SAMSN1: variants seen among roughly 807,000 people sequenced by gnomAD.
The protein encoded by SAMSN1 is SAM domain, SH3 domain and nuclear localization signals 1.
Under a neutral mutation model 42.0 loss-of-function variants are expected in SAMSN1, and 31 were observed. The observed-to-expected ratio is 0.74, with a 90% CI of 0.55 to 1.00. SAMSN1 has a LOEUF of 1.00. Ranked by LOEUF, SAMSN1 falls within the 50% of genes least tolerant of loss-of-function variation. The probability of loss-of-function intolerance (pLI) is 0.00; values close to 1 mark genes in which losing one functional copy is unlikely to be tolerated. For synonymous variants in SAMSN1, 178 were observed against 151.9 expected, an observed-to-expected ratio of 1.17 and a Z score of -1.26; for missense variants, 464 against 439.4, an observed-to-expected ratio of 1.06 and a Z score of -0.50.
At chr21:14,517,582 T>A (rs1987973600) in intron 2 of SAMSN1, among the ~76,000 whole-genome samples, 1 of 152,150 alleles carries the variant, frequency 6.6e-6, no homozygotes. Context: ...CATCTTAGTG[T>A]GCACATTTCC....
intron 3 of SAMSN1, among the ~76,000 whole-genome samples, chr21:14,513,468 C>T (rs1987775839): frequency 6.6e-6 from 1 of 151,986 alleles, no homozygotes; most frequent in African/African-American, 2.4e-5. Context: ...TAACAGGGTG[C>T]TTGCTATAAT....
intron 6 of SAMSN1, among the ~76,000 whole-genome samples, chr21:14,595,784 G>T (rs1982243196): frequency 6.6e-6 from 1 of 152,222 alleles, no homozygotes; most frequent in Non-Finnish European, 1.5e-5. Context: ...ACAAAATATA[G>T]CCAAAGAGCA....
intron 4 of SAMSN1, among the ~76,000 whole-genome samples, chr21:14,610,378 C>G (rs760782685): frequency 2.0e-5 from 3 of 152,142 alleles, no homozygotes; most frequent in Non-Finnish European, 4.4e-5. Context: ...GAAATTCCAG[C>G]CTGGTGAATT....
intron 2 of SAMSN1, among the ~76,000 whole-genome samples, chr21:14,558,524 C>CAA (rs5842489): frequency 6.6e-6 from 1 of 151,616 alleles, no homozygotes; most frequent in African/African-American, 2.4e-5. Context: ...ACTAAAAATA[C>CAA]AAAAAAATTA....
chr21:14,510,196 A>C, intron 5 of SAMSN1, 114 bp downstream of exon 5: 1 of 998,552 alleles, frequency 1.0e-6, no homozygotes, highest in Non-Finnish European at 1.5e-6. Flanking sequence ...CTCCACTTCT[A>C]CTGTTGGGAA....
chr21:14,540,681 G>C (rs1979958948), intron 1 of SAMSN1, among the ~76,000 whole-genome samples: 1 of 152,322 alleles, frequency 6.6e-6, no homozygotes, highest in Admixed American at 6.5e-5. Context: ...TTACACTGTT[G>C]GTGGGACTGT....
intron 1 of SAMSN1, among the ~76,000 whole-genome samples, chr21:14,654,372 T>C (rs1301699377): frequency 6.6e-6 from 1 of 152,018 alleles, no homozygotes; most frequent in Non-Finnish European, 1.5e-5. Context: ...ATGAGTGCTC[T>C]AAAATACGTA....
At chr21:14,592,428 C>G (rs1982114532) in intron 7 of SAMSN1, 1 of 158,000 alleles carries the variant, frequency 6.3e-6, no homozygotes, top group Non-Finnish European at 1.4e-5. Context: ...AAGAACCTGC[C>G]CTTGTGTGCC....
intron 1 of SAMSN1, among the ~76,000 whole-genome samples, chr21:14,644,262 C>T (rs940470649): frequency 6.6e-6 from 1 of 151,994 alleles, no homozygotes; most frequent in Non-Finnish European, 1.5e-5. Context: ...AAAAGAGACC[C>T]CTTCCTTCTG....
At chr21:14,612,592 T>C (rs1671262775) in intron 4 of SAMSN1, 1 of 526,094 alleles carries the variant, frequency 1.9e-6, no homozygotes, top group Admixed American at 2.3e-5. Context: ...GCAGCCAAGC[T>C]ACACATGGAG....
intron 1 of SAMSN1, among the ~76,000 whole-genome samples, chr21:14,532,882 T>A (rs1247182101): frequency 4.0e-5 from 6 of 151,796 alleles, no homozygotes; most frequent in African/African-American, 1.2e-4. Flanking sequence ...ATGTACATAT[T>A]TAATATTTTA....
chr21:14,583,957 T>C (rs1240083660), upstream of SAMSN1, among the ~76,000 whole-genome samples: 1 of 152,058 alleles, frequency 6.6e-6, no homozygotes, highest in African/African-American at 2.4e-5. Context: ...TTATAAAATA[T>C]GTTACAACTG....
upstream of SAMSN1, among the ~76,000 whole-genome samples, chr21:14,659,163 C>T (rs1256735353): frequency 6.6e-6 from 1 of 151,864 alleles, no homozygotes; most frequent in Non-Finnish European, 1.5e-5. Flanking sequence ...GGTCAAGGGT[C>T]CATCTCATAT....
intron 7 of SAMSN1, chr21:14,591,282 C>G (rs1982076468): frequency 6.6e-6 from 1 of 152,136 alleles, no homozygotes; most frequent in Middle Eastern, 3.4e-3. Flanking sequence ...AATATATTCT[C>G]CTGGAAGGCT....
chr21:14,501,045 A>G (rs2123690147), intron 5 of SAMSN1, among the ~76,000 whole-genome samples: 1 of 151,580 alleles, frequency 6.6e-6, no homozygotes, highest in Non-Finnish European at 1.5e-5. Flanking sequence ...GCGTGGTAGC[A>G]TGTATCTGTA....
chr21:14,622,997 A>G (rs1390015532), intron 2 of SAMSN1, among the ~76,000 whole-genome samples: 2 of 152,250 alleles, frequency 1.3e-5, no homozygotes, highest in Non-Finnish European at 2.9e-5. Context: ...TTTTCAACCC[A>G]GAATTTCATA....
chr21:14,495,858 T>C (rs1986895265), intron 7 of SAMSN1: 1 of 152,226 alleles, frequency 6.6e-6, no homozygotes, highest in South Asian at 2.1e-4. Flanking sequence ...TCTTCTCACC[T>C]TGCAATGGAA....
At chr21:14,591,501 A>T (rs939870312) in intron 7 of SAMSN1, 3 of 152,208 alleles carry the variant, frequency 2.0e-5, no homozygotes, top group Non-Finnish European at 4.4e-5. Context: ...ACTGTTTTAC[A>T]CATATCACTT....
At chr21:14,577,255 TATATATATATATATATATATA>T (rs1981514445) in intron 2 of SAMSN1, among the ~76,000 whole-genome samples, 2 of 40,010 alleles carry the variant, frequency 5.0e-5, no homozygotes, top group African/African-American at 3.6e-4. Flanking sequence ...TATATATATA[TATATATATATATATATATATA>T]TATATATATT....
Sources: gnomAD v4.1 joint callset for allele counts (sites outside exome capture counted in the v4.1 genomes callset) on GRCh38, gnomAD v4.1.1 for gene constraint, MANE v1.5 for transcripts, NCBI Gene and HGNC (gene_info 2026-07-23, HGNC 2026-07-21) for gene names.